The following CCDC15 variants were observed in gnomAD, a reference collection of about 807,000 sequenced individuals.
CCDC15 encodes the protein coiled-coil domain-containing protein 15.
In CCDC15, 105 loss-of-function variants were observed where a neutral mutation model predicts 114.5. The observed-to-expected ratio is 0.92, with a 90% CI of 0.78 to 1.08. The LOEUF is 1.08. Ranked by LOEUF, CCDC15 falls within the 50% of genes least tolerant of loss-of-function variation. CCDC15 has a pLI of 0.00. For synonymous variants in CCDC15, 334 were observed against 377.8 expected, an observed-to-expected ratio of 0.88 and a Z score of 1.34; for missense variants, 1,105 against 1,093.6, an observed-to-expected ratio of 1.01 and a Z score of -0.15.
At chr11:124,986,671 GT>G in intron 6 of CCDC15, 70 bp from the exon 7 acceptor site, 1 of 1,004,690 alleles carries the variant, frequency 1.0e-6, no homozygotes. Flanking sequence ...ATGGTGCTGT[GT>G]GTGTGTGTGT....
At chr11:125,026,141 C>T (rs1388619240) in intron 13 of CCDC15, among the ~76,000 whole-genome samples, 3 of 152,080 alleles carry the variant, frequency 2.0e-5, no homozygotes, top group Non-Finnish European at 4.4e-5. Flanking sequence ...AGGACTTGCC[C>T]AAGAATTATA....
chr11:125,002,111 G>A (rs557424735), intron 11 of CCDC15, among the ~76,000 whole-genome samples: 31 of 152,260 alleles, frequency 2.0e-4, no homozygotes, highest in African/African-American at 6.7e-4. Flanking sequence ...TGGGTGTGAA[G>A]TAGCATCTCA....
chr11:124,976,192 A>G (rs1457891256), intron 5 of CCDC15, among the ~76,000 whole-genome samples: 1 of 149,758 alleles, frequency 6.7e-6, no homozygotes, highest in Non-Finnish European at 1.5e-5. Flanking sequence ...GTATACTCTT[A>G]TATTTTCCTG....
In CCDC15 at chr11:125,021,305, G is replaced by A. The variant is rs150376010; in HGVS notation, c.2411+16093G>A. ...TAGCAATATTAAATGTGTCTGAGAG[G>A]GCAAGTAAAATTAGGACTGAAAAAT... On this transcript the variant is annotated intron_variant, in intron 13 of 15. Transcript: ENST00000344762. Among the ~76,000 whole-genome samples, 24 of 151,716 alleles carry A rather than the reference G, an allele frequency of 1.6e-4. No individual in the cohort carries two copies. The East Asian group carries it at 3.9e-3, about 24-fold the overall frequency.
intron 4 of CCDC15, among the ~76,000 whole-genome samples, chr11:124,972,586 C>T (rs897469577): frequency 1.3e-5 from 2 of 152,094 alleles, no homozygotes; most frequent in South Asian, 4.1e-4. Flanking sequence ...TAACACATTA[C>T]CTCAAAGTTA....
At chr11:125,023,309 G>A (rs1347703921) in intron 13 of CCDC15, among the ~76,000 whole-genome samples, 2 of 151,928 alleles carry the variant, frequency 1.3e-5, no homozygotes, top group African/African-American at 4.8e-5. Context: ...AGAGAAGATT[G>A]ATAAGTTGGA....
chr11:125,012,085 CTGCTCTGAGGAAG>C (rs1158564790), intron 13 of CCDC15, among the ~76,000 whole-genome samples: 1 of 152,210 alleles, frequency 6.6e-6, no homozygotes, highest in African/African-American at 2.4e-5. Context: ...GAGGTGCAGC[CTGCTCTGAGGAAG>C]ACAAAGGTGG....
intron 13 of CCDC15, among the ~76,000 whole-genome samples, chr11:125,031,321 G>C (rs1948737735): frequency 6.6e-6 from 1 of 152,262 alleles, no homozygotes; most frequent in Non-Finnish European, 1.5e-5. Flanking sequence ...TCCCCATGAG[G>C]CCATTGGTGC....
In CCDC15 at chr11:124,993,765, T is replaced by G. The variant is rs192754434; in HGVS notation, c.2214+522T>G. Among the ~76,000 whole-genome samples the G allele has an allele frequency of 8.1e-4, 124 of 152,322 alleles. No homozygotes were observed. The Middle Eastern group carries it at 0.01, about 13-fold the overall frequency. On this transcript the variant is annotated intron_variant, in intron 11 of 15. Coordinates refer to ENST00000344762, the MANE Select transcript of CCDC15 (RefSeq NM_025004.3). ...GTCATAGTTTCGTTACCAAAAAAGA[T>G]CATGATGATCACGTTATCTGTTTTT...
intron 5 of CCDC15, 87 bp from the exon 6 acceptor site, chr11:124,977,391 T>G (rs948109330): frequency 1.6e-6 from 2 of 1,268,002 alleles, no homozygotes; most frequent in African/African-American, 3.1e-5. Flanking sequence ...TAAGATAATT[T>G]TAGATCTTTC....
rs779739453 is a variant in CCDC15 at position 124,991,524 on chromosome 11, C to G, written c.1972C>G (p.Leu658Val). Residue 658 changes from leucine (L) to valine (V), a missense_variant, in exon 9 of 16, where the codon CTG becomes GTG. By Grantham distance (32) the Leu-to-Val change is conservative. Coordinates refer to ENST00000344762, the MANE Select transcript of CCDC15 (RefSeq NM_025004.3). ...TDEKGREDFS[L>V]ADYQCLPPKS... ...TGAGAAAGGGAGAGAAGACTTTTCT[C>G]TGGCAGACTATCAGTGTTTGCCTCC... 106 of 1,609,596 alleles carry G rather than the reference C, an allele frequency of 6.6e-5. No individual in the cohort carries two copies. Among genetic ancestry groups the G allele is most frequent in the Admixed American group, 1.7e-4 (10 of 59,942 alleles).
intron 8 of CCDC15, among the ~76,000 whole-genome samples, chr11:124,990,392 A>G (rs1474949187): frequency 1.3e-5 from 2 of 152,186 alleles, no homozygotes; most frequent in Admixed American, 1.3e-4. Context: ...TATTGTGAAA[A>G]TTTCCAAAAT....
intron 6 of CCDC15, among the ~76,000 whole-genome samples, chr11:124,985,638 A>G (rs1172197708): frequency 8.2e-6 from 1 of 121,860 alleles, no homozygotes; most frequent in African/African-American, 3.9e-5. Context: ...CTTGTGGATA[A>G]AATGTCATGC....
chr11:124,957,209 C>T (rs555859533), intron 2 of CCDC15, among the ~76,000 whole-genome samples: 65 of 152,282 alleles, frequency 4.3e-4, no homozygotes, highest in African/African-American at 1.5e-3. Context: ...TCAGCTGGGG[C>T]TCAAATAACT....
chr11:124,960,192 A>C (rs746144001), intron 4 of CCDC15, among the ~76,000 whole-genome samples, 189 bp downstream of exon 4: 2 of 151,658 alleles, frequency 1.3e-5, no homozygotes, highest in Non-Finnish European at 2.9e-5. Context: ...GCTTTTTAAA[A>C]ATTTTAAATT....
In CCDC15 at chr11:124,978,333, G is replaced by A. The variant is rs117451611; in HGVS notation, c.753+733G>A. Among the ~76,000 whole-genome samples, 22 of 152,276 alleles carry A rather than the reference G, an allele frequency of 1.4e-4. No homozygotes were observed. The East Asian group carries it at 3.9e-3, about 27-fold the overall frequency. The stretch of plus-strand genomic sequence containing the variant: ...TGCTGTGATGAAAATATGTGTGCAT[G>A]TATCTTTAAGGCAGAGCAATTTATA... On this transcript the variant is annotated intron_variant, in intron 6 of 15. Transcript: ENST00000344762.
intron 12 of CCDC15, among the ~76,000 whole-genome samples, chr11:125,004,729 G>A (rs1309837010): frequency 2.0e-5 from 3 of 151,950 alleles, no homozygotes; most frequent in African/African-American, 7.2e-5. Context: ...ATGCTTTTGT[G>A]ATACTGTTTT....
At chr11:124,992,314 A>G (rs1229972666) in intron 9 of CCDC15, among the ~76,000 whole-genome samples, 1 of 152,236 alleles carries the variant, frequency 6.6e-6, no homozygotes, top group African/African-American at 2.4e-5. Flanking sequence ...TGCTGCAAGC[A>G]TAATGCCCCT....
chr11:124,983,441 A>G (rs1218115553), intron 6 of CCDC15, among the ~76,000 whole-genome samples: 1 of 150,374 alleles, frequency 6.7e-6, no homozygotes, highest in African/African-American at 2.4e-5. Flanking sequence ...TGAAGTTGCT[A>G]TCCTTTGGAT....
Sources: gnomAD v4.1 joint callset for allele counts (sites outside exome capture counted in the v4.1 genomes callset) on GRCh38, gnomAD v4.1.1 for gene constraint, MANE v1.5 for transcripts, NCBI Gene and HGNC (gene_info 2026-07-23, HGNC 2026-07-21) for gene names.